The following ALG14 variants were observed in gnomAD, a reference collection of about 807,000 sequenced individuals.
ALG14 encodes UDP-N-acetylglucosamine transferase subunit ALG14.
A neutral mutation model predicts 22.8 loss-of-function variants in ALG14; 17 were observed. That is an observed-to-expected ratio of 0.75 (90% CI 0.51 to 1.12). The LOEUF (loss-of-function observed/expected upper bound fraction) is 1.12. ALG14 is among the 50% of genes most tolerant of loss of function. ALG14 has a pLI of 0.00. For missense variants in ALG14, 288 were observed against 271.8 expected (o/e 1.06, Z -0.42); for synonymous variants, 89 against 103.7 (o/e 0.86, Z 0.86).
At chr1:95,017,287 G>C (rs1673531184) in intron 3 of ALG14, among the ~76,000 whole-genome samples, 1 of 152,002 alleles carries the variant, frequency 6.6e-6, no homozygotes, top group African/African-American at 2.4e-5. Flanking sequence ...ATGCTTAACT[G>C]TTTTTAACAC....
chr1:95,040,469 A>C (rs1403146531), intron 2 of ALG14, among the ~76,000 whole-genome samples: 3 of 152,148 alleles, frequency 2.0e-5, no homozygotes. Context: ...CCTGACTAAA[A>C]CTGTAAGTAC....
chr1:94,999,343 ATTTTTT>A (rs548389921), intron 3 of ALG14, among the ~76,000 whole-genome samples: 84 of 108,760 alleles, frequency 7.7e-4, no homozygotes, highest in African/African-American at 2.6e-3. Context: ...CAGTAGACCC[ATTTTTT>A]TTTTTTTTTT....
At chr1:95,058,427 A>G (rs2100827960) in intron 2 of ALG14, among the ~76,000 whole-genome samples, 2 of 151,200 alleles carry the variant, frequency 1.3e-5, no homozygotes, top group Middle Eastern at 3.4e-3. Flanking sequence ...CAGCCTGGCC[A>G]ACATGGCAAA....
rs141592844 is a variant in ALG14 at position 95,012,204 on chromosome 1, G to C, written c.420+14925C>G. Among the ~76,000 whole-genome samples, 482 of 152,232 alleles carry C rather than the reference G, an allele frequency of 3.2e-3. 1 individual carries two copies. The highest frequency in any genetic ancestry group is 0.011 in the African/African-American group (465 of 41,518). On this transcript the variant is annotated intron_variant, in intron 3 of 3. Coordinates refer to ENST00000370205, the MANE Select transcript of ALG14 (RefSeq NM_144988.4). ...AAACCTCTTTTTCTTTATAAATTAC[G>C]CAGTCTCAGATATGTCCTTATTGGC... is the stretch of plus-strand genomic sequence containing the variant.
At chr1:95,014,706 A>G (rs533912401) in intron 3 of ALG14, among the ~76,000 whole-genome samples, 4 of 152,252 alleles carry the variant, frequency 2.6e-5, no homozygotes, top group Non-Finnish European at 4.4e-5. Flanking sequence ...TGATTTATAA[A>G]TAATTTTTAT....
At chr1:94,992,209 T>G (rs186793094) in intron 3 of ALG14, among the ~76,000 whole-genome samples, 1 of 152,332 alleles carries the variant, frequency 6.6e-6, no homozygotes, top group Admixed American at 6.5e-5. Flanking sequence ...CATAATTATA[T>G]GTGCTATACT....
chr1:95,024,572 G>A (rs1436020923), intron 3 of ALG14, among the ~76,000 whole-genome samples: 1 of 152,194 alleles, frequency 6.6e-6, no homozygotes, highest in Non-Finnish European at 1.5e-5. Context: ...TGTTCTTAAA[G>A]TGAACATGAA....
At chr1:94,983,344 A>AT (rs1428083223) in intron 3 of ALG14, 38 bp from the exon 4 acceptor site, 3 of 1,560,206 alleles carry the variant, frequency 1.9e-6, no homozygotes, top group Non-Finnish European at 2.6e-6. Flanking sequence ...AAAATACAGA[A>AT]TAATAATCTA....
intron 1 of ALG14, among the ~76,000 whole-genome samples, chr1:95,071,771 T>G (rs1021379291): frequency 6.6e-6 from 1 of 152,180 alleles, no homozygotes; most frequent in African/African-American, 2.4e-5. Flanking sequence ...AAGCTGTCTG[T>G]TTTTTAAGAC....
intron 3 of ALG14, among the ~76,000 whole-genome samples, chr1:95,003,703 T>C (rs1417459801): frequency 6.6e-6 from 1 of 152,116 alleles, no homozygotes; most frequent in East Asian, 1.9e-4. Context: ...CAAACAATCC[T>C]CCTGCCTCGG....
chr1:95,056,017 A>AAC (rs1010406994), intron 2 of ALG14, among the ~76,000 whole-genome samples: 15 of 151,162 alleles, frequency 9.9e-5, no homozygotes, highest in African/African-American at 1.7e-4. Flanking sequence ...TCAAAAAAAA[A>AAC]AAAACAAAAC....
At chr1:95,002,543 AC>A (rs1306777976) in intron 3 of ALG14, among the ~76,000 whole-genome samples, 2 of 152,230 alleles carry the variant, frequency 1.3e-5, no homozygotes, top group Admixed American at 1.3e-4. Context: ...ATCACATGCT[AC>A]GAAAACAGCC....
intron 3 of ALG14, among the ~76,000 whole-genome samples, chr1:95,013,070 A>G (rs1196759075): frequency 6.6e-6 from 1 of 151,040 alleles, no homozygotes; most frequent in Non-Finnish European, 1.5e-5. Flanking sequence ...TGTGAGGCAG[A>G]GGTTGCAGTG....
intron 2 of ALG14, among the ~76,000 whole-genome samples, chr1:95,058,767 C>T (rs1292199011): frequency 1.3e-5 from 2 of 149,508 alleles, no homozygotes; most frequent in African/African-American, 4.9e-5. Flanking sequence ...ACATGGTATA[C>T]AAGAAACAGC....
intron 3 of ALG14, among the ~76,000 whole-genome samples, chr1:95,019,723 G>A (rs1016653868): frequency 1.3e-5 from 2 of 152,184 alleles, no homozygotes; most frequent in African/African-American, 4.8e-5. Flanking sequence ...GCTCACGCTT[G>A]TAATCCCAGG....
chr1:95,010,024 T>G (rs1202585889), intron 3 of ALG14, among the ~76,000 whole-genome samples: 1 of 152,186 alleles, frequency 6.6e-6, no homozygotes, highest in Non-Finnish European at 1.5e-5. Context: ...TAATTACAGA[T>G]AGCAATGATA....
chr1:95,036,588 G>A (rs1271662420), intron 2 of ALG14, among the ~76,000 whole-genome samples: 3 of 151,764 alleles, frequency 2.0e-5, no homozygotes, highest in East Asian at 1.9e-4. Context: ...CACCATACCC[G>A]GCTAATTTTT....
chr1:95,044,578 G>A (rs1007631158), intron 2 of ALG14, among the ~76,000 whole-genome samples: 1 of 151,940 alleles, frequency 6.6e-6, no homozygotes, highest in Non-Finnish European at 1.5e-5. Flanking sequence ...CTTCTCTCAG[G>A]AGTCCCCATC....
chr1:94,991,207 C>T (rs1379954363), intron 3 of ALG14, among the ~76,000 whole-genome samples: 2 of 152,108 alleles, frequency 1.3e-5, no homozygotes, highest in African/African-American at 4.8e-5. Context: ...AAGTCCTTGC[C>T]CTTGTAAGGT....
Sources: gnomAD v4.1 joint callset for allele counts (sites outside exome capture counted in the v4.1 genomes callset) on GRCh38, gnomAD v4.1.1 for gene constraint, MANE v1.5 for transcripts, NCBI Gene and HGNC (gene_info 2026-07-23, HGNC 2026-07-21) for gene names.